The following ARHGEF3 variants were observed in gnomAD, a reference collection of about 807,000 sequenced individuals.
ARHGEF3 encodes the protein 59.8 kDA protein.
A neutral mutation model predicts 63.2 loss-of-function variants in ARHGEF3; 28 were observed. That is an observed-to-expected ratio of 0.44 (90% CI 0.33 to 0.61). ARHGEF3 has a LOEUF of 0.61. ARHGEF3 is among the 20% of genes least tolerant of loss of function. The probability of loss-of-function intolerance (pLI) is 0.03; values close to 1 mark genes in which losing one functional copy is unlikely to be tolerated. For missense variants in ARHGEF3, 533 were observed against 659.3 expected, an observed-to-expected ratio of 0.81 and a Z score of 2.10; for synonymous variants, 266 against 254.2, an observed-to-expected ratio of 1.05 and a Z score of -0.44.
intron 2 of ARHGEF3, among the ~76,000 whole-genome samples, chr3:56,762,495 C>A (rs552750581): frequency 7.3e-5 from 11 of 151,696 alleles, no homozygotes; most frequent in African/African-American, 2.4e-4. Context: ...GGTTGGGGGA[C>A]GGGGGTGGCA....
At chr3:56,774,977 A>G in intron 1 of ARHGEF3, 4 of 1,461,614 alleles carry the variant, frequency 2.7e-6, no homozygotes, top group Non-Finnish European at 3.7e-6. Context: ...AAAACATTTT[A>G]CAAAGACAAA....
At chr3:56,999,176 A>G (rs1476397522) in intron 2 of ARHGEF3, among the ~76,000 whole-genome samples, 1 of 151,950 alleles carries the variant, frequency 6.6e-6, no homozygotes, top group Non-Finnish European at 1.5e-5. Flanking sequence ...CTCCTGCCTC[A>G]GCCTCCTGAG....
At chr3:56,924,089 G>A (rs998598452) in intron 3 of ARHGEF3, among the ~76,000 whole-genome samples, 4 of 152,306 alleles carry the variant, frequency 2.6e-5, no homozygotes, top group South Asian at 2.1e-4. Context: ...AGCCCCACGT[G>A]GCTGTAACAA....
intron 2 of ARHGEF3, among the ~76,000 whole-genome samples, chr3:57,021,017 A>C (rs1703234263): frequency 6.6e-6 from 1 of 152,232 alleles, no homozygotes; most frequent in Non-Finnish European, 1.5e-5. Flanking sequence ...TCAATGCCTC[A>C]AACAGAAGGA....
At chr3:56,744,253 T>C (rs1030393362) in intron 7 of ARHGEF3, among the ~76,000 whole-genome samples, 14 of 152,066 alleles carry the variant, frequency 9.2e-5, no homozygotes, top group African/African-American at 2.9e-4. Flanking sequence ...CCATGCAGAG[T>C]ACCTCAACCA....
chr3:56,968,042 AAATATATAT>A (rs1378314358), intron 2 of ARHGEF3, among the ~76,000 whole-genome samples: 3 of 9,654 alleles, frequency 3.1e-4, no homozygotes, highest in African/African-American at 8.6e-4. Context: ...AATATATATA[AAATATATAT>A]AATATATATA....
Position 56,885,917 on chromosome 3 carries a change from G to T in ARHGEF3, c.130-3563C>A, listed in dbSNP as rs565684360. 4.6e-5 allele frequency among the ~76,000 whole-genome samples: 7 copies of T among 152,292 alleles called. No individual in the cohort carries two copies. The South Asian group carries it at 1.2e-3, about 27-fold the overall frequency. On this transcript the variant is annotated intron_variant, in intron 3 of 12. Transcript: ENST00000338458. Reference sequence around the variant, plus strand: ...GAAGTTTAAACTCTGGGCTCAGAACGAAAATTTCACAAACCATCACTAAGT... The same window carrying T: ...GAAGTTTAAACTCTGGGCTCAGAACTAAAATTTCACAAACCATCACTAAGT...
At chr3:56,830,210 G>A (rs574218996) in intron 4 of ARHGEF3, among the ~76,000 whole-genome samples, 4 of 152,252 alleles carry the variant, frequency 2.6e-5, no homozygotes, top group East Asian at 1.9e-4. Context: ...CAGTGGTGAC[G>A]GTGGTGATAA....
At chr3:56,832,744 A>G (rs2108078464) in intron 4 of ARHGEF3, among the ~76,000 whole-genome samples, 1 of 152,364 alleles carries the variant, frequency 6.6e-6, no homozygotes, top group African/African-American at 2.4e-5. Context: ...TTATCCAAAA[A>G]GAAACCCTGT....
chr3:57,011,959 C>A (rs1367792495), intron 2 of ARHGEF3, among the ~76,000 whole-genome samples: 2 of 152,134 alleles, frequency 1.3e-5, no homozygotes, highest in Non-Finnish European at 2.9e-5. Flanking sequence ...TCAGCACTGA[C>A]TGGCCCTGGG....
chr3:56,762,892 T>C (rs2035502545), intron 2 of ARHGEF3, among the ~76,000 whole-genome samples: 1 of 152,118 alleles, frequency 6.6e-6, no homozygotes, highest in Admixed American at 6.5e-5. Context: ...ATTACAGAAA[T>C]TAATGTTAAG....
At chr3:56,853,483 T>C (rs1002063697) in intron 4 of ARHGEF3, among the ~76,000 whole-genome samples, 1 of 152,124 alleles carries the variant, frequency 6.6e-6, no homozygotes, top group Admixed American at 6.5e-5. Context: ...ATTACAGGCA[T>C]GTGCCACCAC....
intron 2 of ARHGEF3, among the ~76,000 whole-genome samples, chr3:56,763,854 T>C (rs1191072273): frequency 2.0e-5 from 3 of 152,090 alleles, no homozygotes; most frequent in African/African-American, 4.8e-5. Context: ...GAATTACAGG[T>C]GTGAGCCACT....
At chr3:56,862,374 C>T (rs2040106359) in intron 4 of ARHGEF3, among the ~76,000 whole-genome samples, 1 of 152,200 alleles carries the variant, frequency 6.6e-6, no homozygotes, top group African/African-American at 2.4e-5. Flanking sequence ...AATACTCTTT[C>T]CCTGAATCCC....
chr3:56,804,154 G>A (rs1280481953), upstream of ARHGEF3, among the ~76,000 whole-genome samples: 1 of 152,038 alleles, frequency 6.6e-6, no homozygotes, highest in Non-Finnish European at 1.5e-5. Context: ...CAAAGTGCTG[G>A]GATTACAGGT....
intron 3 of ARHGEF3, chr3:56,939,676 T>C (rs1699080623): frequency 6.6e-6 from 1 of 152,026 alleles, no homozygotes; most frequent in African/African-American, 2.4e-5. Context: ...GAAGAGATTG[T>C]CCAGGTTGAA....
chr3:56,903,067 CAT>C (rs1459994829), intron 3 of ARHGEF3, among the ~76,000 whole-genome samples: 1 of 84,742 alleles, frequency 1.2e-5, no homozygotes, highest in African/African-American at 3.8e-5. Flanking sequence ...CCTCTCTAAA[CAT>C]ACACACACAC....
intron 3 of ARHGEF3, among the ~76,000 whole-genome samples, chr3:56,906,430 G>A (rs910291644): frequency 4.6e-5 from 7 of 152,218 alleles, no homozygotes; most frequent in African/African-American, 1.7e-4. Flanking sequence ...TGGCTAGTCT[G>A]AATTGAGATG....
At chr3:56,907,797 A>G (rs1035404617) in intron 3 of ARHGEF3, among the ~76,000 whole-genome samples, 2 of 152,188 alleles carry the variant, frequency 1.3e-5, no homozygotes, top group African/African-American at 2.4e-5. Context: ...GTTCTCACCT[A>G]TAAGTGGGAG....
Sources: gnomAD v4.1 joint callset for allele counts (sites outside exome capture counted in the v4.1 genomes callset) on GRCh38, gnomAD v4.1.1 for gene constraint, MANE v1.5 for transcripts, NCBI Gene and HGNC (gene_info 2026-07-23, HGNC 2026-07-21) for gene names.